The following LRRD1 variants were observed in gnomAD, a reference collection of about 807,000 sequenced individuals.
The protein encoded by LRRD1 is leucine-rich repeat and death domain-containing protein 1.
In LRRD1, 49 loss-of-function variants were observed where a neutral mutation model predicts 69.5. That is an observed-to-expected ratio of 0.70 (90% CI 0.56 to 0.89). LRRD1 has a LOEUF of 0.89. Among genes scored for constraint, LRRD1 ranks in the 40% least tolerant of loss-of-function variants. LRRD1 has a pLI of 0.00. For missense variants in LRRD1, 853 were observed against 956.0 expected (o/e 0.89, Z 1.42); for synonymous variants, 303 against 338.9 (o/e 0.89, Z 1.16).
At chr7:92,151,813 G>A (rs1026896901) in intron 3 of LRRD1, among the ~76,000 whole-genome samples, 4 of 152,040 alleles carry the variant, frequency 2.6e-5, no homozygotes, top group Admixed American at 6.6e-5. Flanking sequence ...GCTGGGCATG[G>A]TGGTGGGCAC....
chr7:92,144,959 T>C lies in LRRD1; in HGVS notation c.2512A>G (p.Met838Val). Residue 838 changes from methionine to valine, a missense_variant, in exon 6 of 6, where the codon ATG (methionine) becomes GTG (valine). Transcript: ENST00000458448. Reference sequence around the variant, plus strand: ...TCCATAATTTCATATGCTCCTATCATAGTTAGTGCTCGAATTAGTTGATCT... The same window carrying C: ...TCCATAATTTCATATGCTCCTATCACAGTTAGTGCTCGAATTAGTTGATCT... The part of the protein sequence containing the change: ...LRDQLIRALT[M>V]IGAYEIMDKI... The C allele has an allele frequency of 1.3e-6, 2 of 1,545,294 alleles. No individual in the cohort carries two copies. Among genetic ancestry groups the C allele is most frequent in the Non-Finnish European group, 1.8e-6 (2 of 1,142,724 alleles).
chr7:92,164,985 C>T lies in LRRD1; in HGVS notation c.218G>A (p.Arg73Lys). 6.4e-7 allele frequency: 1 copy of T among 1,551,282 alleles called. No homozygotes were observed. Among genetic ancestry groups the T allele is most frequent in the Non-Finnish European group, 8.7e-7 (1 of 1,146,842 alleles). ...NTLESTSSSG[R>K]KSKRNEEQKK... ...TTGTTCTTCATTTCTCTTAGACTTC[C>T]TTCCAGAGGAAGATGTTGACTCTAA... The change falls in exon 2 of 6, where the codon AGG (arginine) becomes AAG (lysine). Residue 73 changes from arginine to lysine, a missense_variant. By Grantham distance (26) the Arg-to-Lys change is conservative (BLOSUM62 2). This residue lies in a region of LRRD1 where 99 missense variants were observed against 107.0 expected (regional missense o/e 0.92). Coordinates refer to ENST00000458448, the MANE Select transcript of LRRD1 (RefSeq NM_001161528.2).
Position 92,178,558 on chromosome 7 carries a change from T to C in LRRD1, c.-75+449A>G, listed in dbSNP as rs138936990. Among the ~76,000 whole-genome samples the C allele has an allele frequency of 3.4e-4, 52 of 151,514 alleles. 2 individuals are homozygous for C. The East Asian group carries it at 9.6e-3, about 28-fold the overall frequency. On this transcript the variant is annotated intron_variant, in intron 1 of 5. Coordinates refer to ENST00000458448, the MANE Select transcript of LRRD1 (RefSeq NM_001161528.2). The stretch of plus-strand genomic sequence containing the variant: ...GGCGGCGCGCGCCTGTAATCCTAAT[T>C]ACTCGGGAGGCTGAGACAGGAGAAT...
intron 1 of LRRD1, among the ~76,000 whole-genome samples, chr7:92,168,120 C>T (rs916764538): frequency 6.6e-6 from 1 of 151,994 alleles, no homozygotes; most frequent in Non-Finnish European, 1.5e-5. Flanking sequence ...GTTCCTAAGA[C>T]CGCAAAGGTG....
intron 1 of LRRD1, among the ~76,000 whole-genome samples, chr7:92,168,156 G>T (rs1243403462): frequency 2.0e-5 from 3 of 152,084 alleles, no homozygotes; most frequent in African/African-American, 4.8e-5. Context: ...GACAATAAGA[G>T]AATTAGATAT....
In LRRD1 at chr7:92,144,958, ATAGT is replaced by A. The variant is rs759366485; in HGVS notation, c.2509_2512del (p.Thr837Ter). On this transcript the variant is annotated frameshift_variant, in exon 6 of 6. Coordinates refer to ENST00000458448, the MANE Select transcript of LRRD1 (RefSeq NM_001161528.2). LOFTEE classifies it high-confidence loss of function. ...GTCCATAATTTCATATGCTCCTATCATAGTTAGTGCTCGAATTAGTTGATCTCTT... is the reference window on the plus strand; with the variant it reads ...GTCCATAATTTCATATGCTCCTATCATAGTGCTCGAATTAGTTGATCTCTT... 338 of 1,545,908 alleles carry A rather than the reference ATAGT, an allele frequency of 2.2e-4. 1 individual carries two copies. The highest frequency in any genetic ancestry group is 2.7e-4 in the Non-Finnish European group (309 of 1,143,384).
chr7:92,146,123 G>A lies in LRRD1; in HGVS notation c.2356C>T (p.Leu786=). 1 of 1,542,470 alleles carries A rather than the reference G, an allele frequency of 6.5e-7. No homozygotes were observed. ...ETNFEFLCQK[L]NLANSETDMP... ...TCAGTTTCTGAGTTTGCCAGGTTTA[G>A]TTTTTGACATAAAAATTCAAAATTG... The change falls in exon 5 of 6, where the codon CTA becomes TTA. Residue 786 remains leucine, a synonymous_variant. Transcript: ENST00000458448.
intron 2 of LRRD1, among the ~76,000 whole-genome samples, chr7:92,162,566 C>G (rs1392411660): frequency 6.6e-6 from 1 of 151,978 alleles, no homozygotes; most frequent in Admixed American, 6.6e-5. Flanking sequence ...ATGCTAAGCT[C>G]TAAAAATGTT....
Position 92,164,146 on chromosome 7 carries a change from C to A in LRRD1, c.1057G>T (p.Glu353Ter). 11 of 1,548,832 alleles carry A rather than the reference C, an allele frequency of 7.1e-6. No homozygotes were observed. Among genetic ancestry groups the A allele is most frequent in the Non-Finnish European group, 9.6e-6 (11 of 1,146,200 alleles). ...VEIFQLLKIK[E>*]LQLADNKLEV... Reference sequence around the variant, plus strand: ...AATTTATTGTCGGCCAGTTGGAGTTCTTTTATTTTGAGTAACTGAAAAATT... The same window carrying A: ...AATTTATTGTCGGCCAGTTGGAGTTATTTTATTTTGAGTAACTGAAAAATT... The change falls in exon 2 of 6, where the codon GAA becomes TAA. Residue 353 changes from glutamate to a stop codon, truncating the protein, a stop_gained. Coordinates refer to ENST00000458448, the MANE Select transcript of LRRD1 (RefSeq NM_001161528.2). LOFTEE classifies it high-confidence loss of function.
Position 92,150,584 on chromosome 7 carries a change from T to C in LRRD1, c.2228A>G (p.Lys743Arg), listed in dbSNP as rs1820441547. The C allele has an allele frequency of 6.4e-7, 1 of 1,551,658 alleles. No homozygotes were observed. The highest frequency in any genetic ancestry group is 8.7e-7 in the Non-Finnish European group (1 of 1,146,950). ...ATAGCGTGCAATAGTATACAACTGT[T>C]TTCCTTTACAGATTTCCACTGGAGG... ...LRPPVEICKG[K>R]QLYTIARYLQ... is the part of the protein sequence containing the mutation. Residue 743 changes from lysine (K) to arginine (R), a missense_variant, in exon 4 of 6, where the codon AAA becomes AGA. By Grantham distance (26) the Lys-to-Arg change is conservative. Transcript: ENST00000458448.
In LRRD1 at chr7:92,163,127, GC is replaced by G. The variant is rs762038345; in HGVS notation, c.1917+158del. 6.6e-5 allele frequency among the ~76,000 whole-genome samples: 10 copies of G among 152,174 alleles called. No homozygotes were observed. In the South Asian group the frequency reaches 2.1e-3, roughly 32 times the overall value. On this transcript the variant is annotated intron_variant, in intron 2 of 5. Coordinates refer to ENST00000458448, the MANE Select transcript of LRRD1 (RefSeq NM_001161528.2). The stretch of plus-strand genomic sequence containing the variant: ...TTTGTGTTGTGAATTGTATTTATAA[GC>G]CATGTTTGGCGGGGACGGGGAGGGC...
downstream of LRRD1, chr7:92,142,694 G>C (rs1584645977): frequency 2.5e-6 from 1 of 404,870 alleles, no homozygotes; most frequent in South Asian, 1.8e-5. Context: ...TGGTGGGATC[G>C]TGGTCTCGCT....
intron 1 of LRRD1, among the ~76,000 whole-genome samples, chr7:92,174,498 TATATATATATA>T (rs1279426181): frequency 2.8e-3 from 61 of 21,470 alleles, no homozygotes; most frequent in African/African-American, 8.5e-3. Context: ...TATATATATA[TATATATATATA>T]TTTTTTTTTT....
downstream of LRRD1, chr7:92,142,952 T>C (rs1305063993): frequency 3.8e-6 from 1 of 265,388 alleles, no homozygotes; most frequent in East Asian, 1.1e-4. Context: ...CGGAACAGGT[T>C]GCCACTGCTG....
chr7:92,146,710 C>T (rs1271546142), intron 4 of LRRD1, among the ~76,000 whole-genome samples: 3 of 151,358 alleles, frequency 2.0e-5, no homozygotes, highest in Non-Finnish European at 2.9e-5. Flanking sequence ...CACCTGAGGT[C>T]GGGAGTTCGA....
chr7:92,146,778 C>T lies in LRRD1; in HGVS notation c.2279-578G>A, dbSNP rs189885066. Among the ~76,000 whole-genome samples, 462 of 151,318 alleles carry T rather than the reference C, an allele frequency of 3.1e-3. 4 individuals are homozygous for T. The highest frequency in any genetic ancestry group is 0.01 in the African/African-American group (428 of 41,264). On this transcript the variant is annotated intron_variant, in intron 4 of 5. Transcript: ENST00000458448. ...TCTACTAAAAATACAAAAAATTAGC[C>T]GGGCGTGGTCGCACATGCCTGTAAT... is the stretch of plus-strand genomic sequence containing the variant.
In LRRD1 at chr7:92,164,375, C is replaced by CA; in HGVS notation, c.827dup (p.Pro277AlafsTer2). The stretch of plus-strand genomic sequence containing the variant: ...GAACCCTCAAGGTTTTTAAACTAGG[C>CA]AGAGTATCTGGTATATGTCTTAACT... On this transcript the variant is annotated frameshift_variant, in exon 2 of 6. Coordinates refer to ENST00000458448, the MANE Select transcript of LRRD1 (RefSeq NM_001161528.2). LOFTEE classifies it high-confidence loss of function. The CA allele has an allele frequency of 1.3e-6, 2 of 1,549,234 alleles. No individual in the cohort carries two copies. The highest frequency in any genetic ancestry group is 1.7e-6 in the Non-Finnish European group (2 of 1,146,216).
chr7:92,146,242 G>C (rs1347477165), intron 4 of LRRD1, 42 bp from the exon 5 acceptor site: 1 of 982,984 alleles, frequency 1.0e-6, no homozygotes, highest in Admixed American at 3.0e-5. Flanking sequence ...TTTTGAAAAA[G>C]ATAATCTATT....
intron 3 of LRRD1, among the ~76,000 whole-genome samples, chr7:92,152,079 C>T (rs771336587): frequency 3.3e-5 from 5 of 149,290 alleles, no homozygotes; most frequent in Non-Finnish European, 7.4e-5. Context: ...TTAAAGGAAA[C>T]TGGTTCCTTT....
Sources: gnomAD v4.1 joint callset for allele counts (sites outside exome capture counted in the v4.1 genomes callset) on GRCh38, gnomAD v4.1.1 for gene constraint, gnomAD v4.1.1 regional missense constraint, MANE v1.5 for transcripts, NCBI Gene and HGNC (gene_info 2026-07-23, HGNC 2026-07-21) for gene names.